PEBP4: variants seen among roughly 807,000 people sequenced by gnomAD.
PEBP4 encodes phosphatidylethanolamine-binding protein 4.
Under a neutral mutation model 23.9 loss-of-function variants are expected in PEBP4, and 22 were observed. The observed-to-expected ratio is 0.92, with a 90% CI of 0.66 to 1.31. PEBP4 has a LOEUF of 1.31. Among genes scored for constraint, PEBP4 ranks in the 40% most tolerant of loss-of-function variants. PEBP4 has a pLI of 0.00. For missense variants in PEBP4, 324 were observed against 281.7 expected, an observed-to-expected ratio of 1.15 and a Z score of -1.07; for synonymous variants, 112 against 99.3, an observed-to-expected ratio of 1.13 and a Z score of -0.76.
At chr8:22,766,224 C>T (rs1052972226) in intron 4 of PEBP4, among the ~76,000 whole-genome samples, 6 of 152,186 alleles carry the variant, frequency 3.9e-5, no homozygotes, top group African/African-American at 7.2e-5. Context: ...GCTTCAGGGT[C>T]GGGTAGACCC....
intron 3 of PEBP4, among the ~76,000 whole-genome samples, chr8:22,872,754 G>A (rs527809600): frequency 8.1e-4 from 123 of 152,174 alleles, no homozygotes; most frequent in Admixed American, 1.6e-3. Flanking sequence ...TGGGCTCACC[G>A]CAACCTCTGC....
intron 4 of PEBP4, among the ~76,000 whole-genome samples, chr8:22,741,952 G>T (rs1180098867): frequency 3.3e-5 from 5 of 152,158 alleles, no homozygotes; most frequent in African/African-American, 1.2e-4. Flanking sequence ...CAGAGGGAGG[G>T]ACCCAAAGAG....
intron 3 of PEBP4, among the ~76,000 whole-genome samples, chr8:22,878,580 C>T (rs1333312525): frequency 6.6e-6 from 1 of 152,192 alleles, no homozygotes; most frequent in Non-Finnish European, 1.5e-5. Flanking sequence ...GGGAGGGCTT[C>T]CCTCTCCGGG....
At chr8:22,819,598 TG>T (rs1806815339) in intron 3 of PEBP4, among the ~76,000 whole-genome samples, 2 of 151,852 alleles carry the variant, frequency 1.3e-5, no homozygotes, top group South Asian at 4.2e-4. Context: ...AGATTGTTTT[TG>T]TTTTTTTGTT....
intron 3 of PEBP4, among the ~76,000 whole-genome samples, chr8:22,889,658 CGTATGTTTTTATAAAGTGCAGAA>C (rs1268792868): frequency 2.5e-4 from 38 of 151,898 alleles, no homozygotes; most frequent in Non-Finnish European, 4.0e-4. Context: ...TAGCATCTAC[CGTATGTTTTTATAAAGTGCAGAA>C]ATATGTTTTT....
intron 2 of PEBP4, chr8:22,925,081 G>C: frequency 3.0e-6 from 3 of 985,346 alleles, no homozygotes; most frequent in Non-Finnish European, 3.6e-6. Context: ...AGGTCCTGCT[G>C]TCTCCTCAGG....
At chr8:22,827,293 T>A (rs1482411640) in intron 3 of PEBP4, among the ~76,000 whole-genome samples, 1 of 152,152 alleles carries the variant, frequency 6.6e-6, no homozygotes, top group Non-Finnish European at 1.5e-5. Flanking sequence ...CAATGATTTT[T>A]AAAAAAATGT....
intron 4 of PEBP4, among the ~76,000 whole-genome samples, chr8:22,788,389 C>T (rs1458882121): frequency 1.3e-5 from 2 of 152,126 alleles, no homozygotes; most frequent in Non-Finnish European, 2.9e-5. Context: ...AGGCGGAAGC[C>T]GTGTGGCTAT....
intron 3 of PEBP4, among the ~76,000 whole-genome samples, chr8:22,910,775 G>C (rs1417706199): frequency 6.6e-6 from 1 of 152,220 alleles, no homozygotes; most frequent in African/African-American, 2.4e-5. Context: ...CGGAGACAGC[G>C]AAAAGACCAG....
At chr8:22,721,007 G>A (rs1804505658) in intron 6 of PEBP4, among the ~76,000 whole-genome samples, 1 of 152,206 alleles carries the variant, frequency 6.6e-6, no homozygotes, top group South Asian at 2.1e-4. Context: ...CTGTGCAAAG[G>A]TAGGAGGAGT....
At chr8:22,918,635 T>C (rs191362188) in intron 3 of PEBP4, among the ~76,000 whole-genome samples, 1 of 152,344 alleles carries the variant, frequency 6.6e-6, no homozygotes, top group Admixed American at 6.5e-5. Flanking sequence ...GAGAATTCCC[T>C]TGGGACTGTC....
intron 3 of PEBP4, among the ~76,000 whole-genome samples, chr8:22,900,533 C>A (rs780178783): frequency 1.3e-5 from 2 of 151,994 alleles, no homozygotes; most frequent in African/African-American, 4.8e-5. Flanking sequence ...CCTGTAATCC[C>A]AGCTACTTGG....
intron 3 of PEBP4, among the ~76,000 whole-genome samples, chr8:22,826,444 T>C (rs2128763290): frequency 6.6e-6 from 1 of 152,340 alleles, no homozygotes; most frequent in East Asian, 1.9e-4. Context: ...GACTTGTATA[T>C]AAGGTTATTC....
chr8:22,810,669 G>GAGGGGT (rs1806600094), intron 4 of PEBP4, among the ~76,000 whole-genome samples: 2 of 129,130 alleles, frequency 1.5e-5, no homozygotes, highest in Non-Finnish European at 3.2e-5. Context: ...CTCATGGAGG[G>GAGGGGT]GTGTGTGTGT....
At chr8:22,785,735 C>T (rs750357840) in intron 4 of PEBP4, among the ~76,000 whole-genome samples, 10 of 152,198 alleles carry the variant, frequency 6.6e-5, no homozygotes, top group Admixed American at 1.3e-4. Context: ...CACTCCAGGT[C>T]CCCGGAGAGG....
intron 4 of PEBP4, among the ~76,000 whole-genome samples, chr8:22,764,506 T>C (rs1268876783): frequency 6.6e-6 from 1 of 152,216 alleles, no homozygotes; most frequent in Non-Finnish European, 1.5e-5. Context: ...TGTGGGCATG[T>C]GACCGGTGTA....
At chr8:22,892,816 G>A (rs1299339044) in intron 3 of PEBP4, among the ~76,000 whole-genome samples, 1 of 152,194 alleles carries the variant, frequency 6.6e-6, no homozygotes, top group Non-Finnish European at 1.5e-5. Flanking sequence ...CAGCAAAAGA[G>A]GGGAAACAAA....
intron 6 of PEBP4, among the ~76,000 whole-genome samples, chr8:22,717,145 T>C (rs1804432951): frequency 6.6e-6 from 1 of 152,122 alleles, no homozygotes. Flanking sequence ...GGTGATCCTC[T>C]TGCCTCAGCC....
Position 22,713,409 on chromosome 8 carries a change from C to A in PEBP4, c.645G>T (p.Glu215Asp), listed in dbSNP as rs1156628779. The change falls in exon 7 of 7, where the codon GAG becomes GAT. Residue 215 changes from glutamate to aspartate, a missense_variant. By Grantham distance (45) the Glu-to-Asp change is conservative. Coordinates refer to ENST00000256404, the MANE Select transcript of PEBP4 (RefSeq NM_144962.3). ...TCTCCGCCTGGTTTTTGTGCTTGGG[C>A]TCGCTGGCCCTTTCTCTGGGAGCCT... ...TLQAPRERAS[E>D]PKHKNQAEIA... The A allele has an allele frequency of 6.2e-7, 1 of 1,608,534 alleles. No homozygotes were observed. The highest frequency in any genetic ancestry group is 1.1e-5 in the South Asian group (1 of 90,702).
Sources: allele counts gnomAD v4.1 joint callset (sites outside exome capture counted in the v4.1 genomes callset), GRCh38; gene constraint gnomAD v4.1.1; transcripts MANE v1.5; gene names NCBI Gene and HGNC (gene_info 2026-07-23, HGNC 2026-07-21).